The following TSNARE1 variants were observed in gnomAD, a reference collection of about 807,000 sequenced individuals.
The protein encoded by TSNARE1 is t-SNARE domain-containing protein 1.
A neutral mutation model predicts 62.0 loss-of-function variants in TSNARE1; 49 were observed. That is an observed-to-expected ratio of 0.79 (90% CI 0.63 to 1.00). TSNARE1 has a LOEUF of 1.00. TSNARE1 is among the 50% of genes least tolerant of loss of function. TSNARE1 has a pLI of 0.00. For synonymous variants in TSNARE1, 328 were observed against 294.4 expected (o/e 1.11, Z -1.17); for missense variants, 755 against 700.1 (o/e 1.08, Z -0.88).
At chr8:142,366,134 T>G (rs1283362870) in intron 1 of TSNARE1, 4 of 265,596 alleles carry the variant, frequency 1.5e-5, no homozygotes, top group Admixed American at 5.5e-5. Flanking sequence ...CCTCCCAGGT[T>G]CATGCCACTC....
chr8:142,328,652 G>A (rs1285820969), intron 6 of TSNARE1, among the ~76,000 whole-genome samples: 2 of 152,220 alleles, frequency 1.3e-5, no homozygotes, highest in Admixed American at 1.3e-4. Context: ...CCACACACCA[G>A]GGGTGCGCCA....
intron 11 of TSNARE1, chr8:142,276,056 C>T (rs1820427160): frequency 4.1e-6 from 4 of 985,432 alleles, no homozygotes; most frequent in Non-Finnish European, 4.8e-6. Flanking sequence ...TCACCAGCTC[C>T]ACCCCACCCT....
rs142528107 is a variant in TSNARE1 at position 142,347,308 on chromosome 8, G to GA, written c.89-1417dup. Among the ~76,000 whole-genome samples the GA allele has an allele frequency of 6.0e-3, 917 of 152,356 alleles. 10 individuals carry two copies. Among genetic ancestry groups the GA allele is most frequent in the African/African-American group, 0.021 (860 of 41,592 alleles). ...TGCCCTGGGAAAACCAGGCACCCAC[G>GA]AAGAGGCACTGACCAAGGCCCGGAG... is the stretch of plus-strand genomic sequence containing the variant. On this transcript the variant is annotated intron_variant, in intron 2 of 13. Coordinates refer to ENST00000524325, the MANE Select transcript of TSNARE1 (RefSeq NM_145003.5).
At chr8:142,246,776 G>T (rs1431403997) in intron 12 of TSNARE1, among the ~76,000 whole-genome samples, 2 of 152,192 alleles carry the variant, frequency 1.3e-5, no homozygotes, top group East Asian at 3.9e-4. Context: ...CCAAACGCCT[G>T]CTGTGCCTCT....
intron 12 of TSNARE1, among the ~76,000 whole-genome samples, chr8:142,239,861 G>A (rs1426206641): frequency 6.6e-6 from 1 of 152,200 alleles, no homozygotes; most frequent in Non-Finnish European, 1.5e-5. Flanking sequence ...ACCCAAAGAG[G>A]CTGGGCTTGG....
chr8:142,341,481 C>T (rs951125331), intron 4 of TSNARE1, among the ~76,000 whole-genome samples: 11 of 152,268 alleles, frequency 7.2e-5, no homozygotes, highest in Admixed American at 7.2e-4. Flanking sequence ...GCAGGCAGGC[C>T]GGCAAGGGGC....
chr8:142,362,983 C>A (rs1326796134), intron 1 of TSNARE1, among the ~76,000 whole-genome samples: 1 of 152,180 alleles, frequency 6.6e-6, no homozygotes, highest in African/African-American at 2.4e-5. Context: ...TCCCTGGACG[C>A]TCGGGTCCTG....
At chr8:142,332,580 A>C (rs1831209948) in intron 4 of TSNARE1, among the ~76,000 whole-genome samples, 1 of 152,200 alleles carries the variant, frequency 6.6e-6, no homozygotes, top group Non-Finnish European at 1.5e-5. Flanking sequence ...CAATTTTTAA[A>C]AATCTACAGA....
In TSNARE1 at chr8:142,319,400, G is replaced by A. The variant is rs537469313; in HGVS notation, c.894-766C>T. ...ACCCAGGGAGACACAAGGAGGCCAG[G>A]ACAGTCCCAGGTTACAGTTCCAAGC... On this transcript the variant is annotated intron_variant, in intron 6 of 13. Coordinates refer to ENST00000524325, the MANE Select transcript of TSNARE1 (RefSeq NM_145003.5). This position sits in a 1 kb window ranked among gnomAD's most constrained non-coding sequence, Gnocchi z 4.9. 3.3e-5 allele frequency among the ~76,000 whole-genome samples: 5 copies of A among 152,154 alleles called. No individual in the cohort carries two copies. In the East Asian group the frequency reaches 5.8e-4, roughly 18 times the overall value.
intron 7 of TSNARE1, among the ~76,000 whole-genome samples, chr8:142,316,942 C>T (rs1164764347): frequency 3.3e-5 from 5 of 152,012 alleles, no homozygotes; most frequent in African/African-American, 9.6e-5. Context: ...TGCAGCAGGC[C>T]GAACTTGCAA....
chr8:142,329,137 C>A lies in TSNARE1; in HGVS notation c.893+1764G>T, dbSNP rs76950995. On this transcript the variant is annotated intron_variant, in intron 6 of 13. Transcript: ENST00000524325. ...AAAGTTATTTTTAAATGTTAACAGT[C>A]CATGATATGGGAGCATCAGAGGGGC... 7.4e-3 allele frequency among the ~76,000 whole-genome samples: 1,129 copies of A among 152,322 alleles called. 25 individuals carry two copies. The highest frequency in any genetic ancestry group is 0.073 in the South Asian group (353 of 4,828).
chr8:142,370,854 A>C (rs1274681553), intron 1 of TSNARE1, among the ~76,000 whole-genome samples: 2 of 149,042 alleles, frequency 1.3e-5, no homozygotes, highest in Non-Finnish European at 2.9e-5. Flanking sequence ...AAAACAAAAA[A>C]AAAAAAACCT....
intron 6 of TSNARE1, among the ~76,000 whole-genome samples, chr8:142,323,622 C>T (rs777763830): frequency 2.6e-5 from 4 of 152,204 alleles, no homozygotes; most frequent in South Asian, 2.1e-4. Context: ...CTCCAAAGGC[C>T]GAGGTGCCTC....
chr8:142,400,409 G>A (rs1366613132), intron 1 of TSNARE1, among the ~76,000 whole-genome samples: 3 of 149,908 alleles, frequency 2.0e-5, no homozygotes, highest in Admixed American at 1.3e-4. Context: ...TTGCACCAAC[G>A]CCCTCCAGCC....
intron 13 of TSNARE1, among the ~76,000 whole-genome samples, chr8:142,215,898 C>A (rs1453190546): frequency 6.6e-6 from 1 of 152,216 alleles, no homozygotes; most frequent in Non-Finnish European, 1.5e-5. Context: ...CGCCTGCACC[C>A]CAGGCTGGCT....
chr8:142,235,257 A>C (rs1227357193), intron 12 of TSNARE1, among the ~76,000 whole-genome samples: 1 of 151,404 alleles, frequency 6.6e-6, no homozygotes, highest in Non-Finnish European at 1.5e-5. Context: ...CCAGAGAAGG[A>C]CGTGACTCAC....
intron 4 of TSNARE1, among the ~76,000 whole-genome samples, chr8:142,336,197 C>A (rs1831731026): frequency 6.6e-6 from 1 of 150,724 alleles, no homozygotes; most frequent in Admixed American, 6.6e-5. Flanking sequence ...GGGAAGACTG[C>A]CTGAACCTGG....
chr8:142,280,314 G>A, intron 11 of TSNARE1: 1 of 985,394 alleles, frequency 1.0e-6, no homozygotes, highest in Non-Finnish European at 1.2e-6. Context: ...TGGCTTTGCT[G>A]CTGCTGGACC....
intron 4 of TSNARE1, among the ~76,000 whole-genome samples, chr8:142,340,211 A>G (rs370237718): frequency 9.2e-5 from 14 of 152,350 alleles, no homozygotes; most frequent in South Asian, 8.3e-4. Flanking sequence ...ACGGGGCCAC[A>G]TAAGAGAAGT....
Sources: gnomAD v4.1 joint callset for allele counts (sites outside exome capture counted in the v4.1 genomes callset) on GRCh38, gnomAD v4.1.1 for gene constraint, Gnocchi (gnomAD v3.1) non-coding constraint, MANE v1.5 for transcripts, NCBI Gene and HGNC (gene_info 2026-07-23, HGNC 2026-07-21) for gene names.